FRMPD4: variants seen among roughly 807,000 people sequenced by gnomAD.
The protein encoded by FRMPD4 is FERM and PDZ domain containing 4, also known as FERM and PDZ domain-containing protein 4.
FRMPD4 carries 22 observed loss-of-function variants against 94.1 expected under a neutral mutation model. That is an observed-to-expected ratio of 0.23 (90% CI 0.17 to 0.33). The LOEUF is 0.33. Ranked by LOEUF, FRMPD4 falls within the 10% of genes least tolerant of loss-of-function variation. The pLI is 1.00. For missense variants in FRMPD4, 1,111 were observed against 1,339.9 expected (o/e 0.83, Z 2.67); for synonymous variants, 631 against 548.6 (o/e 1.15, Z -2.10).
chrX:12,003,839 A>C (rs895506112), intron 3 of FRMPD4, among the ~76,000 whole-genome samples: 4 of 112,279 alleles, frequency 3.6e-5, no homozygotes, highest in South Asian at 3.7e-4. Context: ...TAAAATGCAC[A>C]ATTTTTTTCA....
chrX:12,274,966 G>A (rs6640954), intron 1 of FRMPD4, among the ~76,000 whole-genome samples: 14,557 of 111,391 alleles, frequency 0.13, 903 homozygotes, highest in East Asian at 0.35. Context: ...CGGTGATCGC[G>A]CCACTGCACT....
At chrX:12,241,824 C>T (rs2053878043) in intron 1 of FRMPD4, among the ~76,000 whole-genome samples, 1 of 109,789 alleles carries the variant, frequency 9.1e-6, no homozygotes, top group South Asian at 4.0e-4. Context: ...TCTCTTGAGC[C>T]CAGAAGGTCA....
At chrX:12,487,712 T>C (rs1357165114) in intron 1 of FRMPD4, among the ~76,000 whole-genome samples, 1 of 111,618 alleles carries the variant, frequency 9.0e-6, no homozygotes, top group African/African-American at 3.3e-5. Flanking sequence ...AAGCTGGGAG[T>C]ATTAAAAAGA....
At chrX:12,057,152 C>T (rs1269017129) in intron 3 of FRMPD4, among the ~76,000 whole-genome samples, 2 of 111,658 alleles carry the variant, frequency 1.8e-5, no homozygotes, top group Non-Finnish European at 3.8e-5. Flanking sequence ...TTCTGCTTTC[C>T]TCTATCAATT....
chrX:11,879,302 G>T (rs761772156), intron 3 of FRMPD4, among the ~76,000 whole-genome samples: 1 of 111,706 alleles, frequency 9.0e-6, no homozygotes, highest in Admixed American at 9.6e-5. Context: ...TTGGGCTCTG[G>T]AAAGTCATCA....
At chrX:12,111,210 G>C (rs1336918787) in intron 3 of FRMPD4, among the ~76,000 whole-genome samples, 1 of 111,637 alleles carries the variant, frequency 9.0e-6, no homozygotes, top group Admixed American at 9.5e-5. Context: ...TGGTACTGGT[G>C]TCAAAACAGA....
intron 3 of FRMPD4, among the ~76,000 whole-genome samples, chrX:11,916,795 C>A (rs1399333286): frequency 9.0e-6 from 1 of 111,657 alleles, no homozygotes; most frequent in Non-Finnish European, 1.9e-5. Context: ...GGGGACGAGA[C>A]CATGTCTGCA....
chrX:11,838,444 C>T (rs2053514323), intron 1 of FRMPD4, among the ~76,000 whole-genome samples: 2 of 111,314 alleles, frequency 1.8e-5, no homozygotes, highest in South Asian at 3.7e-4. Flanking sequence ...CAAAAACAAA[C>T]CATATAAAAT....
intron 2 of FRMPD4, among the ~76,000 whole-genome samples, chrX:12,582,147 T>A (rs750548061): frequency 8.9e-6 from 1 of 112,422 alleles, no homozygotes; most frequent in Non-Finnish European, 1.9e-5. Flanking sequence ...TCTTCTTACA[T>A]CTAATTATAC....
intron 3 of FRMPD4, among the ~76,000 whole-genome samples, chrX:11,897,299 C>T (rs985948906): frequency 1.8e-5 from 2 of 111,104 alleles, no homozygotes; most frequent in African/African-American, 6.5e-5. Context: ...TGGTTGCCTG[C>T]TGGGGTTGGT....
At chrX:12,145,869 A>C (rs1356980413) in intron 1 of FRMPD4, among the ~76,000 whole-genome samples, 2 of 112,114 alleles carry the variant, frequency 1.8e-5, no homozygotes, top group Non-Finnish European at 3.8e-5. Context: ...CACCCTGAAC[A>C]CAGTCACCCT....
At chrX:12,398,053 G>T (rs981834533) in intron 1 of FRMPD4, among the ~76,000 whole-genome samples, 21 of 111,009 alleles carry the variant, frequency 1.9e-4, no homozygotes, top group Non-Finnish European at 3.0e-4. Context: ...TATAAGTTAG[G>T]TAACCTTGGG....
chrX:12,463,299 TAG>T (rs1172884915), intron 1 of FRMPD4, among the ~76,000 whole-genome samples: 1 of 110,931 alleles, frequency 9.0e-6, no homozygotes, highest in Non-Finnish European at 1.9e-5. Context: ...TGGCTTTTTG[TAG>T]AGTTTTCTAG....
At chrX:12,499,706 CTTTTT>C (rs759640666) in intron 2 of FRMPD4, among the ~76,000 whole-genome samples, 2 of 112,304 alleles carry the variant, frequency 1.8e-5, no homozygotes, top group African/African-American at 6.5e-5. Flanking sequence ...GAAGTTTTTC[CTTTTT>C]TTATTTTTCC....
chrX:12,643,483 T>C (rs2059518790), intron 4 of FRMPD4, among the ~76,000 whole-genome samples: 1 of 111,592 alleles, frequency 9.0e-6, no homozygotes, highest in Admixed American at 9.6e-5. Context: ...AAATGGAATC[T>C]AGGAGACAAG....
intron 1 of FRMPD4, among the ~76,000 whole-genome samples, chrX:12,193,657 C>A: frequency 9.8e-6 from 1 of 102,369 alleles, no homozygotes; most frequent in African/African-American, 3.6e-5. Context: ...AATTAGTGAG[C>A]TGACCGAAAA....
rs1256970095 is a variant in FRMPD4, at chrX:12,723,552, A to G, written c.*1694A>G. On this transcript the variant is annotated 3_prime_UTR_variant, in exon 17 of 17. Coordinates refer to ENST00000675598, the MANE Select transcript of FRMPD4 (RefSeq NM_001368397.1). Reference sequence around the variant, plus strand: ...AAAACATTATTTCATTACAATTATAATTATAAATATTGGTGTTTTGATATT... The same window carrying G: ...AAAACATTATTTCATTACAATTATAGTTATAAATATTGGTGTTTTGATATT... 8.9e-6 allele frequency: 1 copy of G among 112,039 alleles called. No homozygotes were observed. Among genetic ancestry groups the G allele is most frequent in the Non-Finnish European group, 1.9e-5 (1 of 53,242 alleles). 9.2% of individuals were successfully genotyped at this position (112,039 alleles called of 1,213,427 possible).
intron 1 of FRMPD4, among the ~76,000 whole-genome samples, chrX:12,482,929 C>T (rs938944305): frequency 1.8e-5 from 2 of 111,554 alleles, no homozygotes; most frequent in South Asian, 3.8e-4. Flanking sequence ...AGCAAATTGA[C>T]AGAAAGTTTC....
rs371370048 is a variant in FRMPD4 at position 12,014,139 on chromosome X, C to T, written c.95+136121C>T. Reference sequence around the variant, plus strand: ...TTCCTCTATACCTTCATTCAGAGGACGCCAGCCCCAGATTTGACAGCACAG... The same window carrying T: ...TTCCTCTATACCTTCATTCAGAGGATGCCAGCCCCAGATTTGACAGCACAG... On this transcript the variant is annotated intron_variant, in intron 3 of 18. Transcript: ENST00000640291. 6.0e-4 allele frequency among the ~76,000 whole-genome samples: 67 copies of T among 111,487 alleles called. 2 individuals carry two copies. The South Asian group carries it at 0.022, about 37-fold the overall frequency.
Sources: gnomAD v4.1 joint callset for allele counts (sites outside exome capture counted in the v4.1 genomes callset) on GRCh38, gnomAD v4.1.1 for gene constraint, MANE v1.5 for transcripts, NCBI Gene and HGNC (gene_info 2026-07-23, HGNC 2026-07-21) for gene names.